LRPPRC: variants seen among roughly 807,000 people sequenced by gnomAD.
LRPPRC encodes the protein leucine rich pentatricopeptide repeat containing.
Under a neutral mutation model 180.3 loss-of-function variants are expected in LRPPRC, and 120 were observed. The observed-to-expected ratio is 0.67, with a 90% CI of 0.57 to 0.77. LRPPRC has a LOEUF of 0.77. Ranked by LOEUF, LRPPRC falls within the 30% of genes least tolerant of loss-of-function variation. The pLI is 0.00. For synonymous variants in LRPPRC, 723 were observed against 600.0 expected, an observed-to-expected ratio of 1.21 and a Z score of -3.00; for missense variants, 2,012 against 1,657.2, an observed-to-expected ratio of 1.21 and a Z score of -3.72.
chr2:43,934,255 G>C lies in LRPPRC; in HGVS notation c.2671C>G (p.Leu891Val), dbSNP rs1299469550. The C allele has an allele frequency of 6.2e-7, 1 of 1,611,532 alleles. No individual in the cohort carries two copies. The highest frequency in any genetic ancestry group is 1.7e-5 in the Admixed American group (1 of 59,964). Reference sequence around the variant, plus strand: ...AGGAAGGCAAAGAAGAGATCATAGAGCATCACCATTTCACCTTGTTCTTGG... The same window carrying C: ...AGGAAGGCAAAGAAGAGATCATAGACCATCACCATTTCACCTTGTTCTTGG... ...VSQEQGEMVM[L>V]YDLFFAFLQT... Residue 891 changes from leucine to valine, a missense_variant, in exon 25 of 38, where the codon CTC becomes GTC. By Grantham distance (32) the Leu-to-Val change is conservative. Coordinates refer to ENST00000260665, the MANE Select transcript of LRPPRC (RefSeq NM_133259.4).
At chr2:43,889,314 C>CAAAAAAAAAAA (rs780032604) in intron 37 of LRPPRC, among the ~76,000 whole-genome samples, 1 of 38,340 alleles carries the variant, frequency 2.6e-5, no homozygotes, top group Non-Finnish European at 4.1e-5. Flanking sequence ...GACTCCATCT[C>CAAAAAAAAAAA]AAAAAAAAAA....
rs145110912 is a variant in LRPPRC at position 43,907,467 on chromosome 2, C to T, written c.3276-1687G>A. The stretch of plus-strand genomic sequence containing the variant: ...TTTGATCTTTCCTTCTGGAAAAAAT[C>T]GAGTCCAGAGCTCTCAAATCAAACT... On this transcript the variant is annotated intron_variant, in intron 30 of 37. Coordinates refer to ENST00000260665, the MANE Select transcript of LRPPRC (RefSeq NM_133259.4). Among the ~76,000 whole-genome samples, 661 of 152,162 alleles carry T rather than the reference C, an allele frequency of 4.3e-3. 1 individual carries two copies. The highest frequency in any genetic ancestry group is 7.5e-3 in the Non-Finnish European group (512 of 67,996).
chr2:43,909,539 A>C (rs1671182709), intron 30 of LRPPRC, among the ~76,000 whole-genome samples: 1 of 151,982 alleles, frequency 6.6e-6, no homozygotes, highest in South Asian at 2.1e-4. Flanking sequence ...AACAGCTAAC[A>C]ATACTGTATT....
chr2:43,917,148 C>G (rs1671502410), intron 29 of LRPPRC, among the ~76,000 whole-genome samples: 1 of 147,028 alleles, frequency 6.8e-6, no homozygotes, highest in Admixed American at 7.0e-5. Context: ...TCCGGTGATT[C>G]TCCGGCCTCA....
chr2:43,930,560 T>TA (rs1342090874), intron 25 of LRPPRC, among the ~76,000 whole-genome samples: 3 of 152,186 alleles, frequency 2.0e-5, no homozygotes, highest in African/African-American at 7.2e-5. Context: ...TTCCATTTCA[T>TA]AAACAAACTG....
At chr2:43,925,549 G>A (rs180848957) in intron 26 of LRPPRC, among the ~76,000 whole-genome samples, 1 of 152,190 alleles carries the variant, frequency 6.6e-6, no homozygotes, top group Admixed American at 6.5e-5. Flanking sequence ...GTGCAAACAG[G>A]TACCTGCACC....
In LRPPRC at chr2:43,995,857, G is replaced by A. The variant is rs1460673899; in HGVS notation, c.91C>T (p.Pro31Ser). The A allele has an allele frequency of 1.3e-6, 2 of 1,485,776 alleles. No individual in the cohort carries two copies. The highest frequency in any genetic ancestry group is 2.3e-5 in the Admixed American group (1 of 43,694). The allele number at this position is 1,485,776 out of a possible 1,614,324, so 92.0% of individuals were successfully genotyped here. Residue 31 changes from proline (P) to serine (S), a missense_variant, in exon 1 of 38, where the codon CCG (proline) becomes TCG (serine). By Grantham distance (74) the Pro-to-Ser change is moderately conservative. Coordinates refer to ENST00000260665, the MANE Select transcript of LRPPRC (RefSeq NM_133259.4). Reference protein sequence around the residue: ...PLSLRLLPGGPGRLHAASYLP... With the variant: ...PLSLRLLPGGSGRLHAASYLP... ...TAGGAGGCGGCATGCAGCCGGCCCG[G>A]GCCGCCAGGGAGGAGGCGCAGGGAG...
At chr2:43,957,307 T>C (rs1673158373) in intron 14 of LRPPRC, 78 bp downstream of exon 14, 1 of 933,928 alleles carries the variant, frequency 1.1e-6, no homozygotes, top group Non-Finnish European at 1.8e-6. Context: ...ATTTGTATTT[T>C]TCCTCATGCA....
chr2:43,889,269 C>A (rs1485743474), intron 37 of LRPPRC, among the ~76,000 whole-genome samples: 1 of 125,504 alleles, frequency 8.0e-6, no homozygotes, highest in Non-Finnish European at 1.6e-5. Flanking sequence ...GAGCCGAGAC[C>A]GTGCCATTGC....
At chr2:43,959,736 T>A (rs1028441907) in intron 13 of LRPPRC, among the ~76,000 whole-genome samples, 1 of 151,968 alleles carries the variant, frequency 6.6e-6, no homozygotes, top group Non-Finnish European at 1.5e-5. Context: ...TACAAAAAAT[T>A]AGCTGGGCAT....
intron 1 of LRPPRC, among the ~76,000 whole-genome samples, chr2:43,986,194 G>A (rs1308391441): frequency 1.3e-5 from 2 of 152,024 alleles, no homozygotes; most frequent in African/African-American, 2.4e-5. Flanking sequence ...ACAATGGCGC[G>A]ACCTCAGGTC....
intron 1 of LRPPRC, among the ~76,000 whole-genome samples, chr2:43,993,137 A>C (rs1165971265): frequency 1.3e-5 from 2 of 152,208 alleles, no homozygotes; most frequent in African/African-American, 4.8e-5. Context: ...AAGACAGAGT[A>C]ATATGCCAGG....
Position 43,959,900 on chromosome 2 carries a change from A to T in LRPPRC, c.1582+641T>A, listed in dbSNP as rs150767896. The stretch of plus-strand genomic sequence containing the variant: ...CTGTGTCTCAAAAATAAATAAAATA[A>T]AATAAAATAAAGTGCAGTATGGTGA... On this transcript the variant is annotated intron_variant, in intron 13 of 37. Transcript: ENST00000260665. Among the ~76,000 whole-genome samples the T allele has an allele frequency of 2.2e-3, 332 of 152,264 alleles. 2 individuals carry two copies. The highest frequency in any genetic ancestry group is 2.8e-3 in the Non-Finnish European group (190 of 68,032).
intron 29 of LRPPRC, among the ~76,000 whole-genome samples, chr2:43,917,354 C>A (rs13022309): frequency 6.6e-6 from 1 of 151,766 alleles, no homozygotes; most frequent in African/African-American, 2.4e-5. Context: ...CGGCCTGCTT[C>A]GTTTTTTATA....
At chr2:43,908,096 G>C (rs1671124440) in intron 30 of LRPPRC, among the ~76,000 whole-genome samples, 1 of 152,120 alleles carries the variant, frequency 6.6e-6, no homozygotes, top group South Asian at 2.1e-4. Context: ...GACAGATATA[G>C]CATTATTTCC....
At chr2:43,995,657 G>A (rs1675018071) in intron 1 of LRPPRC, 142 bp downstream of exon 1, 1 of 762,140 alleles carries the variant, frequency 1.3e-6, no homozygotes. Context: ...GGTAGGGAGC[G>A]TGGTGCGGAG....
intron 14 of LRPPRC, among the ~76,000 whole-genome samples, chr2:43,956,927 T>C (rs1422864750): frequency 1.3e-5 from 2 of 152,042 alleles, no homozygotes; most frequent in Admixed American, 6.6e-5. Context: ...GGTATGGGAG[T>C]ATTCCCTTTT....
rs1674204770 is a variant in LRPPRC, at chr2:43,979,403, T to C, written c.469+423A>G. On this transcript the variant is annotated intron_variant, in intron 3 of 37. Coordinates refer to ENST00000260665, the MANE Select transcript of LRPPRC (RefSeq NM_133259.4). ...AATCTATTTTACGGGTACTCCATAATTTATTTACCTAATCCCCTAGAGAAG... is the reference window on the plus strand; with the variant it reads ...AATCTATTTTACGGGTACTCCATAACTTATTTACCTAATCCCCTAGAGAAG... Among the ~76,000 whole-genome samples, 3 of 152,172 alleles carry C rather than the reference T, an allele frequency of 2.0e-5. No individual in the cohort carries two copies. In the South Asian group the frequency reaches 6.2e-4, roughly 31 times the overall value.
intron 31 of LRPPRC, among the ~76,000 whole-genome samples, chr2:43,904,258 A>G (rs551639656): frequency 5.5e-4 from 84 of 152,302 alleles, no homozygotes; most frequent in Non-Finnish European, 1.0e-3. Context: ...GTCTGGGCAC[A>G]AGAAGTGTTT....
Sources: allele counts gnomAD v4.1 joint callset (sites outside exome capture counted in the v4.1 genomes callset), GRCh38; gene constraint gnomAD v4.1.1; transcripts MANE v1.5; gene names NCBI Gene and HGNC (gene_info 2026-07-23, HGNC 2026-07-21).